The following GTF2F2 variants were observed in gnomAD, a reference collection of about 807,000 sequenced individuals.
GTF2F2 encodes ATP-dependent helicase GTF2F2.
In GTF2F2, 23 loss-of-function variants were observed where a neutral mutation model predicts 42.2. The ratio of observed to expected loss-of-function variants is 0.55; its 90% confidence interval spans 0.39 to 0.77. GTF2F2 has a LOEUF of 0.77. Ranked by LOEUF, GTF2F2 falls within the 30% of genes least tolerant of loss-of-function variation. The pLI is 0.00. For missense variants in GTF2F2, 261 were observed against 287.2 expected (o/e 0.91, Z 0.66); for synonymous variants, 105 against 100.8 (o/e 1.04, Z -0.25).
intron 1 of GTF2F2, among the ~76,000 whole-genome samples, chr13:45,131,118 G>A (rs888138790): frequency 1.3e-5 from 2 of 151,918 alleles, no homozygotes; most frequent in Non-Finnish European, 2.9e-5. Context: ...TGAGGCAGGA[G>A]AATCGCTTGA....
At chr13:45,209,169 C>T (rs189189854) in intron 5 of GTF2F2, among the ~76,000 whole-genome samples, 6 of 152,338 alleles carry the variant, frequency 3.9e-5, no homozygotes, top group Non-Finnish European at 1.5e-5. Flanking sequence ...TCAGCTGTTA[C>T]ATAGTCATGC....
intron 6 of GTF2F2, among the ~76,000 whole-genome samples, chr13:45,264,285 T>A (rs1876474296): frequency 6.6e-6 from 1 of 151,520 alleles, no homozygotes; most frequent in Non-Finnish European, 1.5e-5. Flanking sequence ...TTTATTTTTT[T>A]ATTTTTTTAT....
chr13:45,280,734 A>G (rs1877227765), intron 7 of GTF2F2, among the ~76,000 whole-genome samples: 1 of 152,174 alleles, frequency 6.6e-6, no homozygotes, highest in Non-Finnish European at 1.5e-5. Flanking sequence ...GACTTTATTA[A>G]TATTTTTTGT....
At chr13:45,209,094 A>G (rs1296165331) in intron 5 of GTF2F2, among the ~76,000 whole-genome samples, 1 of 152,218 alleles carries the variant, frequency 6.6e-6, no homozygotes, top group African/African-American at 2.4e-5. Flanking sequence ...TGTTTATAAA[A>G]TGGCTGCTTT....
intron 5 of GTF2F2, among the ~76,000 whole-genome samples, chr13:45,231,588 A>G (rs1387533707): frequency 6.6e-6 from 1 of 152,142 alleles, no homozygotes; most frequent in Non-Finnish European, 1.5e-5. Flanking sequence ...GATACTCCCA[A>G]TGGCTTTCAC....
At chr13:45,236,869 A>G (rs1279376125) in intron 5 of GTF2F2, among the ~76,000 whole-genome samples, 2 of 152,234 alleles carry the variant, frequency 1.3e-5, no homozygotes, top group Non-Finnish European at 2.9e-5. Flanking sequence ...AGAAAATTAT[A>G]TAACCTTCTT....
intron 6 of GTF2F2, among the ~76,000 whole-genome samples, chr13:45,260,009 T>C (rs1012384936): frequency 6.6e-6 from 1 of 151,872 alleles, no homozygotes; most frequent in Non-Finnish European, 1.5e-5. Flanking sequence ...TGGTAAAAGC[T>C]CTTGGCCAGA....
At chr13:45,131,793 T>C (rs1179630173) in intron 1 of GTF2F2, among the ~76,000 whole-genome samples, 1 of 150,270 alleles carries the variant, frequency 6.7e-6, no homozygotes, top group African/African-American at 2.5e-5. Context: ...GTAGTTCAGC[T>C]ACTTGGGAGG....
At chr13:45,249,758 A>G (rs1197738483) in intron 5 of GTF2F2, among the ~76,000 whole-genome samples, 1 of 152,276 alleles carries the variant, frequency 6.6e-6, no homozygotes, top group South Asian at 2.1e-4. Flanking sequence ...TTTAGCGGCA[A>G]CATAACAGAT....
At chr13:45,242,118 A>G (rs983547032) in intron 5 of GTF2F2, among the ~76,000 whole-genome samples, 1 of 152,106 alleles carries the variant, frequency 6.6e-6, no homozygotes, top group Admixed American at 6.6e-5. Flanking sequence ...AACTTCCTAT[A>G]AAGGTGCTGT....
In GTF2F2 at chr13:45,151,810, GTATT is replaced by G. The variant is rs1566115494; in HGVS notation, c.286_289del (p.Phe96LeufsTer13). On this transcript the variant is annotated frameshift_variant, in exon 4 of 8. Coordinates refer to ENST00000340473, the MANE Select transcript of GTF2F2 (RefSeq NM_004128.3). LOFTEE classifies it high-confidence loss of function. ...AAGTGTTGGAGGACAGACATTAACA[GTATT>G]TACTGAGAGCTCATCAGGTAAGTGG... is the stretch of plus-strand genomic sequence containing the variant. 1 of 1,505,218 alleles carries G rather than the reference GTATT, an allele frequency of 6.6e-7. No homozygotes were observed. Among genetic ancestry groups the G allele is most frequent in the East Asian group, 2.5e-5 (1 of 39,378 alleles). The allele number at this position is 1,505,218 out of a possible 1,614,324, so 93.2% of individuals were successfully genotyped here.
intron 1 of GTF2F2, among the ~76,000 whole-genome samples, chr13:45,126,315 G>T (rs1429545177): frequency 7.2e-6 from 1 of 138,986 alleles, no homozygotes; most frequent in African/African-American, 2.8e-5. Context: ...GCAATGGTGT[G>T]ATCTTGGCTC....
Position 45,208,729 on chromosome 13 carries a change from T to C in GTF2F2, c.386+1224T>C, listed in dbSNP as rs946611643. Reference sequence around the variant, plus strand: ...CCTTCTTTTGTCAATTAGATTAGACTGTCTCCTGAGAATGACATAGACATG... The same window carrying C: ...CCTTCTTTTGTCAATTAGATTAGACCGTCTCCTGAGAATGACATAGACATG... On this transcript the variant is annotated intron_variant, in intron 5 of 7. Coordinates refer to ENST00000340473, the MANE Select transcript of GTF2F2 (RefSeq NM_004128.3). 2.2e-4 allele frequency among the ~76,000 whole-genome samples: 33 copies of C among 152,348 alleles called. 1 individual carries two copies. Among genetic ancestry groups the C allele is most frequent in the African/African-American group, 7.0e-4 (29 of 41,584 alleles).
chr13:45,248,548 A>C (rs1875745921), intron 5 of GTF2F2, among the ~76,000 whole-genome samples: 1 of 151,936 alleles, frequency 6.6e-6, no homozygotes, highest in South Asian at 2.1e-4. Flanking sequence ...ATCTCAGCTC[A>C]CTGCAACCTC....
chr13:45,120,994 C>T (rs1264764307), intron 1 of GTF2F2, among the ~76,000 whole-genome samples: 2 of 152,130 alleles, frequency 1.3e-5, no homozygotes, highest in Non-Finnish European at 2.9e-5. Flanking sequence ...TCTTGGTGTC[C>T]CCAGATTTGG....
At chr13:45,133,878 C>G (rs573203212) in intron 1 of GTF2F2, among the ~76,000 whole-genome samples, 1 of 152,144 alleles carries the variant, frequency 6.6e-6, no homozygotes, top group Non-Finnish European at 1.5e-5. Flanking sequence ...ATGTTAAGTC[C>G]GCTGGGTCTG....
chr13:45,161,130 G>A (rs904673346), intron 4 of GTF2F2, among the ~76,000 whole-genome samples: 8 of 152,188 alleles, frequency 5.3e-5, no homozygotes, highest in African/African-American at 1.9e-4. Flanking sequence ...GCTAGGTGGT[G>A]AAGAATACAC....
chr13:45,250,051 C>CTTTTTTTTTTTT (rs780347641), intron 5 of GTF2F2, among the ~76,000 whole-genome samples: 1 of 100,862 alleles, frequency 9.9e-6, no homozygotes, highest in Non-Finnish European at 1.9e-5. Context: ...TGCCTTATCT[C>CTTTTTTTTTTTT]TTTTTTTTTT....
chr13:45,260,560 G>A lies in GTF2F2; in HGVS notation c.487-6673G>A, dbSNP rs549776604. ...ACAAAGACTGCCTTGACAAAACACA[G>A]TATTTCTGCAAACAATAATCTAGAA... On this transcript the variant is annotated intron_variant, in intron 6 of 7. Coordinates refer to ENST00000340473, the MANE Select transcript of GTF2F2 (RefSeq NM_004128.3). Among the ~76,000 whole-genome samples, 102 of 152,288 alleles carry A rather than the reference G, an allele frequency of 6.7e-4. 1 individual carries two copies. Among genetic ancestry groups the A allele is most frequent in the South Asian group, 4.3e-3 (21 of 4,830 alleles).
Sources: gnomAD v4.1 joint callset for allele counts (sites outside exome capture counted in the v4.1 genomes callset) on GRCh38, gnomAD v4.1.1 for gene constraint, MANE v1.5 for transcripts, NCBI Gene and HGNC (gene_info 2026-07-23, HGNC 2026-07-21) for gene names.